Variants in NAE1 observed in about 807,000 individuals in gnomAD.
NAE1 encodes the protein NEDD8-activating enzyme E1 regulatory subunit.
A neutral mutation model predicts 88.0 loss-of-function variants in NAE1; 59 were observed. The observed-to-expected ratio is 0.67, with a 90% confidence interval of 0.54 to 0.83. The LOEUF is 0.83. NAE1 is among the 40% of genes least tolerant of loss of function. The probability of loss-of-function intolerance (pLI) is 0.00; values close to 1 mark genes in which losing one functional copy is unlikely to be tolerated. For missense variants in NAE1, 554 were observed against 632.8 expected (o/e 0.88, Z 1.34); for synonymous variants, 186 against 208.9 (o/e 0.89, Z 0.95).
At position 66,816,861 on chromosome 16, in the gene NAE1, G is replaced by C. The variant is rs9888921; in HGVS notation, c.748+104C>G. 4.4e-3 allele frequency: 6,574 copies of C among 1,505,560 alleles called. 232 individuals carry two copies. The African/African-American group carries it at 0.079, about 18-fold the overall frequency. The allele number at this position is 1,505,560 out of a possible 1,614,324, so 93.3% of individuals were successfully genotyped here. A position where few individuals can be genotyped will look rare whatever the true frequency, so the allele number is the denominator to read the frequency against. Reference sequence around the variant, plus strand: ...CTCCAGAAGGAAAATAAAAGCTCATGATGCTATCATCTGACAAAGGTGTTA... The same window carrying C: ...CTCCAGAAGGAAAATAAAAGCTCATCATGCTATCATCTGACAAAGGTGTTA... On this transcript the variant is annotated intron_variant, in intron 10 of 19. Coordinates refer to ENST00000290810, the MANE Select transcript of NAE1 (RefSeq NM_003905.4).
In NAE1 at chr16:66,808,525, A is replaced by G. The variant is rs2145314193; in HGVS notation, c.1326T>C (p.Tyr442=). The G allele has an allele frequency of 2.6e-6, 4 of 1,556,284 alleles. No homozygotes were observed. The highest frequency in any genetic ancestry group is 2.3e-5 in the East Asian group (1 of 43,896). The change falls in exon 17 of 20, where the codon TAT becomes TAC. Residue 442 remains tyrosine, a synonymous_variant. Transcript: ENST00000290810. ...TAATTCAATTGCTATTCTTACCTGGATATCTACCCTGTTGTTTATGAAATC... is the reference window on the plus strand; with the variant it reads ...TAATTCAATTGCTATTCTTACCTGGGTATCTACCCTGTTGTTTATGAAATC... ...VDRFHKQQGR[Y]PGVSNYQVEE...
Position 66,824,836 on chromosome 16 carries a change from A to G in NAE1, c.249+19T>C, listed in dbSNP as rs1269789930. The G allele has an allele frequency of 2.5e-6, 4 of 1,602,234 alleles. No individual in the cohort carries two copies. Among genetic ancestry groups the G allele is most frequent in the Non-Finnish European group, 3.4e-6 (4 of 1,171,822 alleles). ...CATCATTAGATGCTCACATCCAACT[A>G]TATTCTCTAATTGTTTACCTTGCCG... On this transcript the variant is annotated intron_variant, in intron 4 of 19. Coordinates refer to ENST00000290810, the MANE Select transcript of NAE1 (RefSeq NM_003905.4).
At chr16:66,822,675 T>TTTA (rs963587180) in intron 6 of NAE1, among the ~76,000 whole-genome samples, 1 of 141,674 alleles carries the variant, frequency 7.1e-6, no homozygotes, top group African/African-American at 2.6e-5. Flanking sequence ...TATTTATTTA[T>TTTA]TTTTTTTTTT....
chr16:66,810,239 A>G (rs1402661051), intron 15 of NAE1, 135 bp downstream of exon 15: 1 of 678,432 alleles, frequency 1.5e-6, no homozygotes, highest in Non-Finnish European at 2.6e-6. Context: ...AAAAAACCTT[A>G]CCCAATAATT....
In NAE1 at chr16:66,813,342, T is replaced by G. The variant is rs542836114; in HGVS notation, c.1034+222A>C. ...ATTTGTAGAGATGGAAGTCTCACTA[T>G]GTTGCCCACGATGGTCTCAAACTCC... On this transcript the variant is annotated intron_variant, in intron 13 of 19. Coordinates refer to ENST00000290810, the MANE Select transcript of NAE1 (RefSeq NM_003905.4). 6.1e-6 allele frequency: 3 copies of G among 491,852 alleles called. No individual in the cohort carries two copies. The East Asian group carries it at 1.1e-4, about 17-fold the overall frequency. The allele number at this position is 491,852 out of a possible 1,614,324, so 30.5% of individuals were successfully genotyped here.
intron 11 of NAE1, among the ~76,000 whole-genome samples, chr16:66,815,255 T>C (rs1768882843): frequency 6.6e-6 from 1 of 152,266 alleles, no homozygotes; most frequent in African/African-American, 2.4e-5. Context: ...AGATTTCAAA[T>C]GTCCAATTCA....
intron 19 of NAE1, 99 bp from the exon 20 acceptor site, chr16:66,803,217 G>C: frequency 1.3e-6 from 1 of 753,538 alleles, no homozygotes; most frequent in Non-Finnish European, 2.2e-6. Flanking sequence ...AAAAGCAAAG[G>C]TGTTTTAAAG....
chr16:66,804,242 C>CA (rs58574660), intron 19 of NAE1, among the ~76,000 whole-genome samples: 65,480 of 140,820 alleles, frequency 0.46, 15,426 homozygotes, highest in East Asian at 0.66. Flanking sequence ...AAGTAAAAAA[C>CA]AAAAAAAAAA....
At chr16:66,809,225 G>T in intron 15 of NAE1, 150 bp from the exon 16 acceptor site, 1 of 552,686 alleles carries the variant, frequency 1.8e-6, no homozygotes, top group Non-Finnish European at 3.1e-6. Context: ...TAATAGCAGA[G>T]AAAGCACTAG....
rs921150971 is a variant in NAE1 at position 66,823,612 on chromosome 16, C to T, written c.250-12G>A. ...GCTTCAGCTCGGTTCTTTTTAAAAA[C>T]AAAGCATTTAACTTGAATTAGAAAA... On this transcript the variant is annotated splice_polypyrimidine_tract_variant and intron_variant, in intron 4 of 19. Coordinates refer to ENST00000290810, the MANE Select transcript of NAE1 (RefSeq NM_003905.4). 1.3e-6 allele frequency: 2 copies of T among 1,584,128 alleles called. No homozygotes were observed. Among genetic ancestry groups the T allele is most frequent in the South Asian group, 1.2e-5 (1 of 85,000 alleles).
At position 66,808,257 on chromosome 16, in the gene NAE1, A is replaced by G. The variant is rs142147095; in HGVS notation, c.1330+264T>C. Among the ~76,000 whole-genome samples the G allele has an allele frequency of 1.2e-3, 177 of 152,288 alleles. 2 individuals carry two copies. The highest frequency in any genetic ancestry group is 9.7e-3 in the Admixed American group (149 of 15,300). ...TAAACTCAGTGTGAGTCTTAGTAAC[A>G]AACTATGGAAAATGACAGAAAAAAG... On this transcript the variant is annotated intron_variant, in intron 17 of 19. Coordinates refer to ENST00000290810, the MANE Select transcript of NAE1 (RefSeq NM_003905.4).
rs758613780 is a variant in NAE1 at position 66,830,949 on chromosome 16, A to G, written c.-50T>C. 115 of 1,473,472 alleles carry G rather than the reference A, an allele frequency of 7.8e-5. No homozygotes were observed. Among genetic ancestry groups the G allele is most frequent in the Non-Finnish European group, 1.0e-4 (113 of 1,117,044 alleles). 91.3% of individuals were successfully genotyped at this position (1,473,472 alleles called of 1,614,324 possible). On this transcript the variant is annotated 5_prime_UTR_variant, in exon 1 of 20. Coordinates refer to ENST00000290810, the MANE Select transcript of NAE1 (RefSeq NM_003905.4). ...AGCCGAGCCCCTGCGGAGCGCCGCC[A>G]CCAGCTCCACAAGCGCGCAGGCGCA...
chr16:66,802,984 A>T lies in NAE1; in HGVS notation c.*25T>A, dbSNP rs1479663140. On this transcript the variant is annotated 3_prime_UTR_variant, in exon 20 of 20. Coordinates refer to ENST00000290810, the MANE Select transcript of NAE1 (RefSeq NM_003905.4). ...GGCAATTACAGTTTCAATCATTAAC[A>T]CACTACTTAAGGTGCTTGCTTACTC... 3 of 1,402,122 alleles carry T rather than the reference A, an allele frequency of 2.1e-6. No individual in the cohort carries two copies. Among genetic ancestry groups the T allele is most frequent in the Non-Finnish European group, 3.0e-6 (3 of 987,700 alleles). 86.9% of individuals were successfully genotyped at this position (1,402,122 alleles called of 1,614,324 possible).
rs778728256 is a variant in NAE1 at position 66,813,797 on chromosome 16, A to G, written c.890T>C (p.Ile297Thr). 1.2e-6 allele frequency: 2 copies of G among 1,613,728 alleles called. No homozygotes were observed. The highest frequency in any genetic ancestry group is 1.7e-6 in the Non-Finnish European group (2 of 1,179,884). Residue 297 changes from isoleucine to threonine, a missense_variant, in exon 12 of 20, where the codon ATC (isoleucine) becomes ACC (threonine). Physicochemically the swap from Ile to Thr is moderately conservative, Grantham distance 89. Coordinates refer to ENST00000290810, the MANE Select transcript of NAE1 (RefSeq NM_003905.4). ...DIFNDDRCIN[I>T]TKQTPSFWIL... is the part of the protein sequence containing the mutation. ...TTTTGTTGTTGTTACCTGTTTGGTG[A>G]TATTTATGCAGCGATCATCATTAAA...
intron 11 of NAE1, among the ~76,000 whole-genome samples, chr16:66,816,330 A>T (rs988279346): frequency 1.3e-5 from 2 of 151,964 alleles, no homozygotes; most frequent in African/African-American, 2.4e-5. Flanking sequence ...ATGCCCAGCT[A>T]ATTTTTGTAT....
chr16:66,808,606 G>T lies in NAE1; in HGVS notation c.1245C>A (p.Ser415Arg), dbSNP rs761651914. The T allele has an allele frequency of 1.9e-5, 31 of 1,599,312 alleles. No homozygotes were observed. The highest frequency in any genetic ancestry group is 1.7e-4 in the Admixed American group (10 of 57,308). The change falls in exon 17 of 20, where the codon AGC (serine) becomes AGA (arginine). Residue 415 changes from serine (S) to arginine (R), a missense_variant. Transcript: ENST00000290810. ...DTINKDEIIS[S>R]MDNPDNEIVL... is the part of the protein sequence containing the mutation. ...CTATTTCATTATCTGGATTGTCCAT[G>T]CTAGAAACTGAAAGGAAAAAAAATT...
intron 11 of NAE1, among the ~76,000 whole-genome samples, chr16:66,815,052 C>T (rs1959987865): frequency 6.6e-6 from 1 of 152,174 alleles, no homozygotes; most frequent in African/African-American, 2.4e-5. Flanking sequence ...TTTGGAAAGT[C>T]TCCCTGGCTC....
intron 11 of NAE1, among the ~76,000 whole-genome samples, chr16:66,815,385 A>G (rs187300414): frequency 2.6e-5 from 4 of 152,312 alleles, no homozygotes; most frequent in South Asian, 2.1e-4. Context: ...ACAGGGTCTC[A>G]TATCATTGCC....
chr16:66,805,520 T>C (rs1214340761), intron 19 of NAE1: 1 of 361,814 alleles, frequency 2.8e-6, no homozygotes, highest in Non-Finnish European at 4.9e-6. Flanking sequence ...ATGCCTGTAG[T>C]CCCAGCTATT....
Sources: gnomAD v4.1 joint callset for allele counts (sites outside exome capture counted in the v4.1 genomes callset) on GRCh38, gnomAD v4.1.1 for gene constraint, MANE v1.5 for transcripts, NCBI Gene and HGNC (gene_info 2026-07-23, HGNC 2026-07-21) for gene names.